Variants in LOC400499 observed in about 807,000 individuals in gnomAD.
At chr16:11,385,608 T>C in the LOC400499 span, among the ~76,000 whole-genome samples, 1 of 152,220 alleles carries the variant, frequency 6.6e-6, no homozygotes. Flanking sequence ...TGACATGAGC[T>C]GAAGGTCTAC....
the LOC400499 span, among the ~76,000 whole-genome samples, chr16:11,456,388 G>C: frequency 5.9e-5 from 9 of 152,082 alleles, no homozygotes; most frequent in African/African-American, 2.2e-4. Flanking sequence ...GTGTTTTCGA[G>C]ACACAAAGAT....
chr16:11,445,943 G>C, the LOC400499 span, among the ~76,000 whole-genome samples: 1 of 149,516 alleles, frequency 6.7e-6, no homozygotes, highest in East Asian at 2.0e-4. Context: ...TCCTGCCTCA[G>C]CCTCCTGAGT....
At chr16:11,520,211 C>A in the LOC400499 span, among the ~76,000 whole-genome samples, 3 of 152,088 alleles carry the variant, frequency 2.0e-5, no homozygotes, top group Non-Finnish European at 1.5e-5. Flanking sequence ...GCCACTGAAT[C>A]ATAGACTTAA....
At chr16:11,432,298 G>A in the LOC400499 span, among the ~76,000 whole-genome samples, 3 of 152,182 alleles carry the variant, frequency 2.0e-5, no homozygotes, top group East Asian at 5.8e-4. Flanking sequence ...CAAACAAAAT[G>A]GTTGTTCTTT....
the LOC400499 span, among the ~76,000 whole-genome samples, chr16:11,506,419 C>T: frequency 6.6e-6 from 1 of 152,210 alleles, no homozygotes; most frequent in South Asian, 2.1e-4. Context: ...ATGAGCCAGT[C>T]CTGTTCTGCC....
At chr16:11,464,261 C>G in the LOC400499 span, among the ~76,000 whole-genome samples, 1 of 152,364 alleles carries the variant, frequency 6.6e-6, no homozygotes, top group Admixed American at 6.5e-5. Context: ...CAGATGCTCG[C>G]TCTCCACTCT....
At chr16:11,497,912 G>A in the LOC400499 span, among the ~76,000 whole-genome samples, 102,092 of 151,860 alleles carry the variant, frequency 0.67, 34,444 homozygotes, top group Admixed American at 0.74. Flanking sequence ...ACTTCAGTTA[G>A]AAGTCTGTTT....
the LOC400499 span, among the ~76,000 whole-genome samples, chr16:11,486,982 C>T: frequency 4.0e-5 from 6 of 148,226 alleles, no homozygotes; most frequent in East Asian, 2.0e-4. Flanking sequence ...GGTGGATGGA[C>T]GAGATGAATG....
the LOC400499 span, chr16:11,446,801 G>C: frequency 2.0e-6 from 3 of 1,535,970 alleles, no homozygotes; most frequent in Non-Finnish European, 8.7e-7. Flanking sequence ...GTTTCCTCTC[G>C]GCCATTCAGG....
At chr16:11,492,492 G>C in the LOC400499 span, among the ~76,000 whole-genome samples, 1 of 152,052 alleles carries the variant, frequency 6.6e-6, no homozygotes, top group Non-Finnish European at 1.5e-5. Context: ...TACATAAAAA[G>C]TTAGGTGGTG....
chr16:11,422,314 C>T, the LOC400499 span, among the ~76,000 whole-genome samples: 1 of 152,112 alleles, frequency 6.6e-6, no homozygotes, highest in Non-Finnish European at 1.5e-5. Context: ...AGGCAGGAGA[C>T]ACTTGAACCT....
At chr16:11,388,299 C>T in the LOC400499 span, among the ~76,000 whole-genome samples, 20 of 152,292 alleles carry the variant, frequency 1.3e-4, no homozygotes, top group Middle Eastern at 3.4e-3. Flanking sequence ...CCTGGGAGCT[C>T]TTCCCTTCAT....
chr16:11,483,191 C>T, the LOC400499 span, among the ~76,000 whole-genome samples: 1 of 152,156 alleles, frequency 6.6e-6, no homozygotes, highest in Non-Finnish European at 1.5e-5. Flanking sequence ...GAAACTGAAA[C>T]TCTCACACAA....
chr16:11,524,089 C>A, the LOC400499 span, among the ~76,000 whole-genome samples: 2 of 70,872 alleles, frequency 2.8e-5, no homozygotes, highest in African/African-American at 1.2e-4. Flanking sequence ...CCCAGCCCCC[C>A]TCCTATCCAT....
chr16:11,498,464 A>G, the LOC400499 span, among the ~76,000 whole-genome samples: 14 of 152,114 alleles, frequency 9.2e-5, no homozygotes, highest in African/African-American at 3.1e-4. Context: ...CCTGGGCAAC[A>G]GAGCGAGACT....
chr16:11,493,802 TC>T, the LOC400499 span: 3 of 366,872 alleles, frequency 8.2e-6, no homozygotes, highest in Non-Finnish European at 1.4e-5. Context: ...TGGAGCTAAA[TC>T]GAGATGGAGG....
At chr16:11,512,065 G>A in the LOC400499 span, among the ~76,000 whole-genome samples, 20 of 151,916 alleles carry the variant, frequency 1.3e-4, no homozygotes, top group Non-Finnish European at 2.4e-4. Flanking sequence ...GAGGTGGGCG[G>A]ATCACCTGAA....
At chr16:11,398,336 G>T in the LOC400499 span, 4 of 1,232,228 alleles carry the variant, frequency 3.2e-6, no homozygotes, top group African/African-American at 6.2e-5. Flanking sequence ...CCCTTCTGCA[G>T]GGCAGACTCA....
chr16:11,413,070 G>C, the LOC400499 span: 1 of 396,086 alleles, frequency 2.5e-6, no homozygotes, highest in African/African-American at 2.1e-5. Context: ...CCTAAGCCCA[G>C]CATGGCCTGG....
Sources: gnomAD v4.1 joint callset for allele counts (sites outside exome capture counted in the v4.1 genomes callset) on GRCh38, gnomAD v4.1.1 for gene constraint, MANE v1.5 for transcripts.